Variants in DGKB observed in about 807,000 individuals in gnomAD.
DGKB encodes 90 kDa diacylglycerol kinase.
In DGKB, 67 loss-of-function variants were observed where a neutral mutation model predicts 114.3. The ratio of observed to expected loss-of-function variants is 0.59; its 90% CI spans 0.48 to 0.72. The LOEUF is 0.72. Among genes scored for constraint, DGKB ranks in the 30% least tolerant of loss-of-function variants. The pLI is 0.00. For missense variants in DGKB, 907 were observed against 975.2 expected, an observed-to-expected ratio of 0.93 and a Z score of 0.93; for synonymous variants, 398 against 323.1, an observed-to-expected ratio of 1.23 and a Z score of -2.49.
chr7:14,274,644 G>T (rs1424072658), intron 23 of DGKB, among the ~76,000 whole-genome samples: 1 of 152,138 alleles, frequency 6.6e-6, no homozygotes, highest in African/African-American at 2.4e-5. Context: ...AGAAGGCTGG[G>T]AAGTCCAAGA....
intron 23 of DGKB, among the ~76,000 whole-genome samples, chr7:14,247,067 A>G (rs1471982687): frequency 6.6e-6 from 1 of 152,098 alleles, no homozygotes; most frequent in Non-Finnish European, 1.5e-5. Context: ...AAGATTGCAC[A>G]TATAAGTGAG....
chr7:14,741,307 T>A (rs1048103570), intron 4 of DGKB, among the ~76,000 whole-genome samples: 4 of 152,170 alleles, frequency 2.6e-5, no homozygotes, highest in African/African-American at 7.2e-5. Flanking sequence ...GTAAAAGGAA[T>A]GGTAGGGATA....
chr7:14,852,114 T>C (rs903100110), intron 1 of DGKB, among the ~76,000 whole-genome samples: 1 of 152,228 alleles, frequency 6.6e-6, no homozygotes, highest in African/African-American at 2.4e-5. Context: ...TTACTTCAGG[T>C]AACATTTGAC....
At chr7:14,643,821 G>A (rs929184324) in intron 13 of DGKB, among the ~76,000 whole-genome samples, 6 of 152,162 alleles carry the variant, frequency 3.9e-5, no homozygotes, top group African/African-American at 1.4e-4. Context: ...GTGCCCCAAT[G>A]TGTGCCATCC....
At chr7:14,554,783 T>C (rs1795641071) in intron 20 of DGKB, among the ~76,000 whole-genome samples, 1 of 152,158 alleles carries the variant, frequency 6.6e-6, no homozygotes, top group African/African-American at 2.4e-5. Context: ...TCGTTCATTG[T>C]TAACTAAAAA....
intron 23 of DGKB, among the ~76,000 whole-genome samples, chr7:14,332,033 G>C (rs1003629184): frequency 1.3e-5 from 2 of 152,114 alleles, no homozygotes; most frequent in African/African-American, 4.8e-5. Context: ...AGATGATGAA[G>C]AATAAAAACA....
intron 1 of DGKB, among the ~76,000 whole-genome samples, chr7:14,886,544 C>T (rs1465834558): frequency 6.6e-6 from 1 of 151,912 alleles, no homozygotes; most frequent in Non-Finnish European, 1.5e-5. Flanking sequence ...CCACTCTTGA[C>T]TTTTCTACAT....
At chr7:14,378,138 A>G (rs1818799544) in intron 21 of DGKB, among the ~76,000 whole-genome samples, 1 of 152,188 alleles carries the variant, frequency 6.6e-6, no homozygotes, top group Non-Finnish European at 1.5e-5. Context: ...AACCATGAAA[A>G]TGAAAGACTT....
chr7:14,232,665 A>T (rs78865272), intron 23 of DGKB, among the ~76,000 whole-genome samples: 33 of 152,186 alleles, frequency 2.2e-4, no homozygotes, highest in African/African-American at 7.5e-4. Flanking sequence ...AAAGCAAAAA[A>T]ACTAACTTTT....
intron 21 of DGKB, among the ~76,000 whole-genome samples, chr7:14,389,641 C>T (rs1323842774): frequency 6.6e-6 from 1 of 152,170 alleles, no homozygotes; most frequent in Non-Finnish European, 1.5e-5. Context: ...TTCCTCTAAG[C>T]GAAATCAATC....
At chr7:14,304,448 C>T (rs1804128681) in intron 23 of DGKB, among the ~76,000 whole-genome samples, 1 of 149,974 alleles carries the variant, frequency 6.7e-6, no homozygotes, top group African/African-American at 2.4e-5. Context: ...CACTTTGTGC[C>T]AAATCTCATA....
At chr7:14,304,895 C>T (rs1010180483) in intron 23 of DGKB, among the ~76,000 whole-genome samples, 3 of 152,064 alleles carry the variant, frequency 2.0e-5, no homozygotes, top group African/African-American at 7.2e-5. Context: ...GCAGTTTTAG[C>T]TTTGGAGTTT....
At chr7:14,770,644 T>A (rs1239059154) in intron 2 of DGKB, among the ~76,000 whole-genome samples, 4 of 152,034 alleles carry the variant, frequency 2.6e-5, no homozygotes, top group Admixed American at 1.3e-4. Context: ...TTCTAGAACA[T>A]CCCAGGACAT....
chr7:14,414,828 A>T (rs983755838), intron 21 of DGKB, among the ~76,000 whole-genome samples: 3 of 152,112 alleles, frequency 2.0e-5, no homozygotes, highest in Non-Finnish European at 4.4e-5. Context: ...AGGGCACTTA[A>T]CATTTCTGAC....
chr7:14,193,554 A>G (rs1784608037), intron 23 of DGKB, among the ~76,000 whole-genome samples: 1 of 152,234 alleles, frequency 6.6e-6, no homozygotes, highest in Admixed American at 6.5e-5. Flanking sequence ...CTCAAAATGA[A>G]TTAAAGATTT....
At chr7:14,769,070 T>TAGAAAGA (rs1219591552) in intron 2 of DGKB, among the ~76,000 whole-genome samples, 12 of 84,264 alleles carry the variant, frequency 1.4e-4, no homozygotes, top group African/African-American at 4.4e-4. Context: ...TTTTTAAAGA[T>TAGAAAGA]AAGAAAGAAA....
At chr7:14,393,206 G>C (rs1228737738) in intron 21 of DGKB, among the ~76,000 whole-genome samples, 4 of 151,664 alleles carry the variant, frequency 2.6e-5, no homozygotes, top group African/African-American at 9.7e-5. Context: ...AGCCAGGATG[G>C]TCTCGATCTC....
intron 23 of DGKB, among the ~76,000 whole-genome samples, chr7:14,270,279 C>T (rs1798099208): frequency 6.6e-6 from 1 of 152,128 alleles, no homozygotes; most frequent in Non-Finnish European, 1.5e-5. Flanking sequence ...TCTCTTCTTT[C>T]TCCTAACCAA....
intron 1 of DGKB, among the ~76,000 whole-genome samples, chr7:14,847,044 A>C (rs1848714554): frequency 6.6e-6 from 1 of 152,166 alleles, no homozygotes; most frequent in Non-Finnish European, 1.5e-5. Flanking sequence ...TAATCCCAGG[A>C]CTTTGGGAGG....
Sources: allele counts gnomAD v4.1 joint callset (sites outside exome capture counted in the v4.1 genomes callset), GRCh38; gene constraint gnomAD v4.1.1; transcripts MANE v1.5; gene names NCBI Gene and HGNC (gene_info 2026-07-23, HGNC 2026-07-21).